The following ECT2L variants were observed in gnomAD, a reference collection of about 807,000 sequenced individuals.
ECT2L encodes the protein epithelial cell transforming 2 like.
Under a neutral mutation model 122.8 loss-of-function variants are expected in ECT2L, and 126 were observed. The ratio of observed to expected loss-of-function variants is 1.03; its 90% CI spans 0.89 to 1.19. The LOEUF (loss-of-function observed/expected upper bound fraction) is 1.19. ECT2L is among the 50% of genes most tolerant of loss of function. ECT2L has a pLI of 0.00. For synonymous variants in ECT2L, 385 were observed against 381.8 expected (o/e 1.01, Z -0.10); for missense variants, 1,012 against 1,064.1 (o/e 0.95, Z 0.68).
intron 14 of ECT2L, 111 bp downstream of exon 14, chr6:138,876,669 TTA>T: frequency 1.8e-6 from 1 of 542,596 alleles, no homozygotes; most frequent in South Asian, 3.4e-5. Flanking sequence ...CTTTGGGGGA[TTA>T]AAAAAAAAAA....
intron 20 of ECT2L, among the ~76,000 whole-genome samples, chr6:138,897,121 T>C (rs1345364608): frequency 1.3e-5 from 2 of 152,158 alleles, no homozygotes; most frequent in African/African-American, 4.8e-5. Flanking sequence ...TCACTGAATC[T>C]ATCTGTAAAT....
intron 20 of ECT2L, among the ~76,000 whole-genome samples, chr6:138,891,704 G>GT (rs1224333091): frequency 6.6e-6 from 1 of 152,164 alleles, no homozygotes; most frequent in East Asian, 1.9e-4. Flanking sequence ...CCCGTAAAAT[G>GT]TATAAAATCA....
intron 7 of ECT2L, among the ~76,000 whole-genome samples, chr6:138,844,949 T>C (rs1055923101): frequency 6.6e-6 from 1 of 152,188 alleles, no homozygotes; most frequent in African/African-American, 2.4e-5. Flanking sequence ...CAACTCTGCA[T>C]TGAAGCTATA....
intron 13 of ECT2L, among the ~76,000 whole-genome samples, chr6:138,873,872 C>CTCTGTGTG (rs772751027): frequency 1.4e-5 from 1 of 71,370 alleles, no homozygotes; most frequent in Admixed American, 1.4e-4. Context: ...AAATCCAGGA[C>CTCTGTGTG]TGTGTGTGTG....
chr6:138,886,798 CTT>C, intron 18 of ECT2L, 57 bp from the exon 19 acceptor site: 2 of 1,184,114 alleles, frequency 1.7e-6, no homozygotes, highest in East Asian at 4.9e-5. Flanking sequence ...TAATCTATTT[CTT>C]TTATGAATAA....
intron 12 of ECT2L, 127 bp from the exon 13 acceptor site, chr6:138,867,976 G>A (rs1250535830): frequency 9.1e-6 from 6 of 658,022 alleles, no homozygotes; most frequent in Non-Finnish European, 1.2e-5. Flanking sequence ...CCCCAGCCTG[G>A]GCAACAGAGT....
rs559466576 is a variant in ECT2L, at chr6:138,828,583, G to T, written c.180-9769G>T. 8.5e-5 allele frequency among the ~76,000 whole-genome samples: 13 copies of T among 152,234 alleles called. No homozygotes were observed. The South Asian group carries it at 2.7e-3, about 32-fold the overall frequency. On this transcript the variant is annotated intron_variant, in intron 4 of 21. Coordinates refer to ENST00000541398, the MANE Select transcript of ECT2L (RefSeq NM_001077706.3). ...GTTAGCTGCCATTGACAATCTTCCC[G>T]TGGGTCCACTGTTTCATTAGGGGTT... is the stretch of plus-strand genomic sequence containing the variant.
In ECT2L at chr6:138,900,947, G is replaced by C. The variant is rs762552475; in HGVS notation, c.2415-1G>C. 1.2e-6 allele frequency: 2 copies of C among 1,612,016 alleles called. No individual in the cohort carries two copies. Among genetic ancestry groups the C allele is most frequent in the East Asian group, 2.2e-5 (1 of 44,872 alleles). ...ACTGTACCTTCTCCATTTTAACACA[G>C]GCTCTATGAACACATCCATGATCTC... On this transcript the variant is annotated splice_acceptor_variant, in intron 20 of 21. Transcript: ENST00000541398. LOFTEE classifies it high-confidence loss of function.
At chr6:138,891,760 A>C (rs1454500730) in intron 20 of ECT2L, among the ~76,000 whole-genome samples, 2 of 152,172 alleles carry the variant, frequency 1.3e-5, no homozygotes, top group East Asian at 3.9e-4. Flanking sequence ...GGACTTCTTG[A>C]GACTGTGACT....
intron 5 of ECT2L, among the ~76,000 whole-genome samples, chr6:138,839,055 C>T (rs1408037094): frequency 2.0e-5 from 3 of 152,236 alleles, no homozygotes; most frequent in African/African-American, 7.2e-5. Flanking sequence ...GCTGGGATTA[C>T]AGGCATGAGC....
intron 20 of ECT2L, among the ~76,000 whole-genome samples, chr6:138,898,434 T>C (rs1411531641): frequency 6.6e-6 from 1 of 152,324 alleles, no homozygotes; most frequent in Non-Finnish European, 1.5e-5. Context: ...CCTAACGCTG[T>C]CCAAGTAGCT....
intron 1 of ECT2L, among the ~76,000 whole-genome samples, chr6:138,811,938 C>G: frequency 6.6e-6 from 1 of 152,166 alleles, no homozygotes; most frequent in East Asian, 1.9e-4. Context: ...ATCCACCCAC[C>G]TCAGCCTCCC....
At chr6:138,804,254 C>T (rs545016945) in intron 1 of ECT2L, among the ~76,000 whole-genome samples, 7 of 152,154 alleles carry the variant, frequency 4.6e-5, no homozygotes, top group East Asian at 1.9e-4. Context: ...ATAGTTGATG[C>T]GTGTGTATAT....
At chr6:138,830,776 G>T (rs983562751) in intron 4 of ECT2L, among the ~76,000 whole-genome samples, 2 of 152,072 alleles carry the variant, frequency 1.3e-5, no homozygotes, top group Non-Finnish European at 2.9e-5. Context: ...TCCTCTACAT[G>T]TCGTTAAATG....
intron 3 of ECT2L, among the ~76,000 whole-genome samples, chr6:138,814,115 T>C (rs1775992364): frequency 6.6e-6 from 1 of 152,162 alleles, no homozygotes; most frequent in Non-Finnish European, 1.5e-5. Context: ...ATTAAATGAG[T>C]GTAGCCCGTA....
intron 1 of ECT2L, among the ~76,000 whole-genome samples, chr6:138,799,398 C>T (rs1330005360): frequency 6.6e-6 from 1 of 151,990 alleles, no homozygotes; most frequent in Non-Finnish European, 1.5e-5. Flanking sequence ...GGACTACAGG[C>T]ACCCGCCACC....
At chr6:138,813,455 T>C in intron 3 of ECT2L, 115 bp downstream of exon 3, 1 of 800,656 alleles carries the variant, frequency 1.2e-6, no homozygotes, top group Non-Finnish European at 1.9e-6. Context: ...AGAATTTAGC[T>C]TTTCAGTTTA....
intron 4 of ECT2L, among the ~76,000 whole-genome samples, chr6:138,820,940 G>A (rs563626375): frequency 3.3e-5 from 5 of 152,346 alleles, no homozygotes; most frequent in Non-Finnish European, 5.9e-5. Flanking sequence ...CAGATAATGA[G>A]CCTCACCCCT....
intron 7 of ECT2L, among the ~76,000 whole-genome samples, chr6:138,845,891 C>T (rs537660722): frequency 2.0e-5 from 3 of 151,996 alleles, no homozygotes; most frequent in Middle Eastern, 3.4e-3. Flanking sequence ...GGCAACACAG[C>T]GAGACCCCAT....
Sources: allele counts gnomAD v4.1 joint callset (sites outside exome capture counted in the v4.1 genomes callset), GRCh38; gene constraint gnomAD v4.1.1; transcripts MANE v1.5; gene names NCBI Gene and HGNC (gene_info 2026-07-23, HGNC 2026-07-21).